The following HADHB variants were observed in gnomAD, a reference collection of about 807,000 sequenced individuals.
HADHB encodes hydroxyacyl-CoA dehydrogenase trifunctional multienzyme complex subunit beta.
A neutral mutation model predicts 61.9 loss-of-function variants in HADHB; 50 were observed. The ratio of observed to expected loss-of-function variants is 0.81; its 90% CI spans 0.64 to 1.02. The LOEUF (loss-of-function observed/expected upper bound fraction) is 1.02, where lower values mean the gene tolerates loss of function less well. Among genes scored for constraint, HADHB ranks in the 50% least tolerant of loss-of-function variants. HADHB has a pLI of 0.00. For missense variants in HADHB, 504 were observed against 586.5 expected, an observed-to-expected ratio of 0.86 and a Z score of 1.45; for synonymous variants, 191 against 201.6, an observed-to-expected ratio of 0.95 and a Z score of 0.45.
At chr2:26,285,334 T>C in intron 14 of HADHB, 73 bp from the exon 15 acceptor site, 2 of 1,274,810 alleles carry the variant, frequency 1.6e-6, no homozygotes, top group East Asian at 4.6e-5. Context: ...TCTTACTTCG[T>C]AGTACTAAGA....
chr2:26,265,920 G>T (rs1388826544), intron 4 of HADHB, among the ~76,000 whole-genome samples: 1 of 152,030 alleles, frequency 6.6e-6, no homozygotes, highest in Non-Finnish European at 1.5e-5. Flanking sequence ...AACATTAGAG[G>T]CCAGGTGCAG....
chr2:26,269,820 C>A, intron 4 of HADHB, 133 bp from the exon 5 acceptor site: 1 of 718,728 alleles, frequency 1.4e-6, no homozygotes, highest in Non-Finnish European at 2.6e-6. Flanking sequence ...AAATGATGGA[C>A]TGCCTTGGAT....
chr2:26,259,129 G>A (rs573939258), intron 3 of HADHB, among the ~76,000 whole-genome samples: 1 of 152,150 alleles, frequency 6.6e-6, no homozygotes, highest in Admixed American at 6.5e-5. Context: ...CTTACTGCAC[G>A]GTCACTTCAC....
chr2:26,284,924 G>A lies in HADHB; in HGVS notation c.1191G>A (p.Trp397Ter). 1 of 1,598,830 alleles carries A rather than the reference G, an allele frequency of 6.3e-7. No homozygotes were observed. Among genetic ancestry groups the A allele is most frequent in the Middle Eastern group, 1.7e-4 (1 of 6,032 alleles). ...LANFKAMDSD[W>*]FAENYMGRKT... is the part of the protein sequence containing the mutation. ...ATTTTAAAGCCATGGATTCTGATTG[G>A]TTTGCAGAAAACTACATGGGTAGAA... is the stretch of plus-strand genomic sequence containing the variant. Residue 397 changes from tryptophan to a stop codon, truncating the protein, a stop_gained, in exon 14 of 16, where the codon TGG (tryptophan) becomes TGA (stop). Coordinates refer to ENST00000317799, the MANE Select transcript of HADHB (RefSeq NM_000183.3). LOFTEE classifies it high-confidence loss of function.
At chr2:26,285,739 G>GTTTTTTTTTTTTTTTTGTTTTTTTTTTTT (rs1673003066) in intron 15 of HADHB, among the ~76,000 whole-genome samples, 168 bp downstream of exon 15, 1 of 65,082 alleles carries the variant, frequency 1.5e-5, no homozygotes, top group African/African-American at 6.6e-5. Flanking sequence ...TGTTTTTTGG[G>GTTTTTTTTTTTTTTTTGTTTTTTTTTTTT]TTTTTTTTTT....
intron 4 of HADHB, among the ~76,000 whole-genome samples, chr2:26,268,569 CTG>C (rs1473487716): frequency 2.0e-5 from 3 of 152,198 alleles, no homozygotes; most frequent in Non-Finnish European, 2.9e-5. Flanking sequence ...CAGTTTACCT[CTG>C]TGATATTCTT....
At position 26,278,816 on chromosome 2, in the gene HADHB, T is replaced by A; in HGVS notation, c.630+15T>A. The A allele has an allele frequency of 6.2e-7, 1 of 1,606,670 alleles. No individual in the cohort carries two copies. The highest frequency in any genetic ancestry group is 8.5e-7 in the Non-Finnish European group (1 of 1,173,200). On this transcript the variant is annotated intron_variant, in intron 8 of 15. Transcript: ENST00000317799. ...TAGCACCTGAGGTAAGGCTTGTGTT[T>A]GCAGGGCATCCCACTGCAGAGATTT... is the stretch of plus-strand genomic sequence containing the variant.
chr2:26,284,096 T>C, intron 12 of HADHB, 21 bp from the exon 13 acceptor site: 2 of 1,370,376 alleles, frequency 1.5e-6, no homozygotes, highest in Non-Finnish European at 2.1e-6. Context: ...TTTTAAGATA[T>C]TACTTATTTT....
intron 4 of HADHB, among the ~76,000 whole-genome samples, chr2:26,267,396 G>GC (rs1377638187): frequency 6.6e-6 from 1 of 152,128 alleles, no homozygotes; most frequent in Non-Finnish European, 1.5e-5. Flanking sequence ...ACCTGCAGGA[G>GC]CTACCGGTCA....
At chr2:26,285,306 C>G in intron 14 of HADHB, 101 bp from the exon 15 acceptor site, 1 of 971,968 alleles carries the variant, frequency 1.0e-6, no homozygotes, top group Non-Finnish European at 1.7e-6. Flanking sequence ...TCTGACGTTA[C>G]GTATTTTCCT....
intron 5 of HADHB, among the ~76,000 whole-genome samples, chr2:26,270,640 C>T (rs115897107): frequency 0.02 from 3,102 of 152,016 alleles, 102 homozygotes; most frequent in African/African-American, 0.07. Flanking sequence ...TTTCCTCTGT[C>T]TAATTGTATA....
intron 3 of HADHB, chr2:26,260,775 G>T: frequency 1.9e-6 from 1 of 526,258 alleles, no homozygotes. Context: ...CTAGGGGCCA[G>T]CTACTTTGTC....
intron 4 of HADHB, among the ~76,000 whole-genome samples, chr2:26,264,531 G>T: frequency 7.6e-6 from 1 of 132,436 alleles, no homozygotes. Flanking sequence ...TCCAGCCTGG[G>T]TGACAGAGCA....
intron 1 of HADHB, among the ~76,000 whole-genome samples, chr2:26,247,629 A>G (rs1035006964): frequency 6.6e-6 from 1 of 152,244 alleles, no homozygotes; most frequent in Non-Finnish European, 1.5e-5. Flanking sequence ...GTGAAAATGT[A>G]GTTAGGCCTA....
chr2:26,246,101 A>G (rs924650062), intron 1 of HADHB, among the ~76,000 whole-genome samples: 3 of 152,186 alleles, frequency 2.0e-5, no homozygotes, highest in African/African-American at 7.2e-5. Context: ...GGATGACCTG[A>G]CCACTTCTGA....
At chr2:26,246,757 C>T (rs1015867958) in intron 1 of HADHB, among the ~76,000 whole-genome samples, 6 of 152,174 alleles carry the variant, frequency 3.9e-5, no homozygotes, top group Non-Finnish European at 8.8e-5. Context: ...CCTGTGCTTT[C>T]TCTACAAAAC....
chr2:26,280,544 T>G (rs1486290752), intron 10 of HADHB, among the ~76,000 whole-genome samples: 1 of 152,058 alleles, frequency 6.6e-6, no homozygotes, highest in Non-Finnish European at 1.5e-5. Flanking sequence ...AAAAGCCAAC[T>G]CAGGAAGGAT....
At chr2:26,247,236 C>G (rs994304867) in intron 1 of HADHB, among the ~76,000 whole-genome samples, 1 of 152,154 alleles carries the variant, frequency 6.6e-6, no homozygotes, top group Non-Finnish European at 1.5e-5. Context: ...CAACTCGATC[C>G]TACCCTACCC....
intron 3 of HADHB, among the ~76,000 whole-genome samples, chr2:26,258,712 C>G (rs1045862779): frequency 8.5e-5 from 13 of 152,190 alleles, no homozygotes; most frequent in Admixed American, 6.5e-4. Flanking sequence ...AACAGAGCTG[C>G]TATACAAGGG....
Sources: gnomAD v4.1 joint callset for allele counts (sites outside exome capture counted in the v4.1 genomes callset) on GRCh38, gnomAD v4.1.1 for gene constraint, MANE v1.5 for transcripts, NCBI Gene and HGNC (gene_info 2026-07-23, HGNC 2026-07-21) for gene names.